Variants in RBFOX1 observed in about 807,000 individuals in gnomAD.
The protein encoded by RBFOX1 is RNA binding protein fox-1 homolog 1.
A neutral mutation model predicts 57.7 loss-of-function variants in RBFOX1; 8 were observed. The ratio of observed to expected loss-of-function variants is 0.14; its 90% confidence interval spans 0.08 to 0.25. The LOEUF is 0.25. RBFOX1 is among the 10% of genes least tolerant of loss of function. RBFOX1 has a pLI of 1.00. For synonymous variants in RBFOX1, 326 were observed against 222.4 expected, an observed-to-expected ratio of 1.47 and a Z score of -4.15; for missense variants, 611 against 548.5, an observed-to-expected ratio of 1.11 and a Z score of -1.14.
intron 2 of RBFOX1, among the ~76,000 whole-genome samples, chr16:6,321,216 T>C (rs1004550734): frequency 6.6e-6 from 1 of 152,178 alleles, no homozygotes; most frequent in Non-Finnish European, 1.5e-5. Flanking sequence ...AACATATCTA[T>C]CATCTCATTT....
At chr16:7,103,809 C>T (rs1036009189) in intron 4 of RBFOX1, among the ~76,000 whole-genome samples, 7 of 152,246 alleles carry the variant, frequency 4.6e-5, no homozygotes, top group African/African-American at 1.7e-4. Flanking sequence ...TTACCAGACT[C>T]GTGACTTCAA....
intron 3 of RBFOX1, among the ~76,000 whole-genome samples, chr16:5,703,831 G>C (rs1387438566): frequency 6.6e-6 from 1 of 152,080 alleles, no homozygotes; most frequent in Non-Finnish European, 1.5e-5. Flanking sequence ...CCATGATGTA[G>C]GGATATTATT....
chr16:5,964,886 TGTG>T (rs1206414573), intron 4 of RBFOX1, among the ~76,000 whole-genome samples: 8 of 151,766 alleles, frequency 5.3e-5, no homozygotes, highest in Non-Finnish European at 7.4e-5. Context: ...ATAAAGAAAA[TGTG>T]GTGTGTGTAT....
At chr16:7,303,452 T>C (rs1036104104) in intron 4 of RBFOX1, among the ~76,000 whole-genome samples, 4 of 152,220 alleles carry the variant, frequency 2.6e-5, no homozygotes, top group Non-Finnish European at 5.9e-5. Context: ...AGCTGGGCCA[T>C]CGCGCTAATT....
intron 2 of RBFOX1, among the ~76,000 whole-genome samples, chr16:6,495,565 T>G (rs147293912): frequency 2.6e-5 from 4 of 152,326 alleles, no homozygotes; most frequent in African/African-American, 7.2e-5. Flanking sequence ...TAAATGAAAC[T>G]GGGTATATAG....
At chr16:5,607,880 G>A (rs779709964) in intron 3 of RBFOX1, among the ~76,000 whole-genome samples, 1 of 152,134 alleles carries the variant, frequency 6.6e-6, no homozygotes, top group Non-Finnish European at 1.5e-5. Context: ...CTTTTTAATG[G>A]CTGGACAGGA....
intron 4 of RBFOX1, among the ~76,000 whole-genome samples, chr16:7,468,954 G>C (rs1170748232): frequency 1.3e-5 from 2 of 151,410 alleles, no homozygotes; most frequent in Non-Finnish European, 2.9e-5. Flanking sequence ...TTTTTTTTGA[G>C]GCAGAGTCTC....
At chr16:6,072,069 G>A (rs1408249159) in intron 1 of RBFOX1, among the ~76,000 whole-genome samples, 1 of 152,202 alleles carries the variant, frequency 6.6e-6, no homozygotes, top group Non-Finnish European at 1.5e-5. Context: ...AGCTCCACAG[G>A]GCTGGGGAGA....
chr16:6,701,223 C>T (rs2061801207), intron 3 of RBFOX1, among the ~76,000 whole-genome samples: 1 of 152,058 alleles, frequency 6.6e-6, no homozygotes, highest in African/African-American at 2.4e-5. Flanking sequence ...ATGCAAGTTG[C>T]CCCAGGAAGG....
At chr16:5,363,612 C>G (rs898689612) in intron 1 of RBFOX1, among the ~76,000 whole-genome samples, 7 of 152,154 alleles carry the variant, frequency 4.6e-5, no homozygotes, top group Non-Finnish European at 7.3e-5. Flanking sequence ...TTTCCCAACA[C>G]CTCAGACTAG....
intron 3 of RBFOX1, among the ~76,000 whole-genome samples, chr16:7,022,856 A>C (rs1325653867): frequency 1.3e-5 from 2 of 152,318 alleles, no homozygotes; most frequent in African/African-American, 4.8e-5. Context: ...GAATTTGAAC[A>C]ACTGCCTCCA....
intron 1 of RBFOX1, among the ~76,000 whole-genome samples, chr16:5,459,527 C>T (rs1432902499): frequency 6.6e-6 from 1 of 152,160 alleles, no homozygotes; most frequent in Non-Finnish European, 1.5e-5. Flanking sequence ...AAATGGATGT[C>T]TCAAGGCCAT....
rs2072806250 is a variant in RBFOX1, at chr16:7,138,885, T to C, written c.27+86787T>C. On this transcript the variant is annotated intron_variant, in intron 4 of 15. Coordinates refer to ENST00000550418, the MANE Select transcript of RBFOX1 (RefSeq NM_018723.4). The stretch of plus-strand genomic sequence containing the variant: ...GTGCAATGGTGTGATTTAGGCTCAG[T>C]GCAAGCTCCGCCTCCCGGGTTCAAG... Among the ~76,000 whole-genome samples the C allele has an allele frequency of 3.3e-5, 5 of 152,250 alleles. No individual in the cohort carries two copies. In the South Asian group the frequency reaches 1.0e-3, roughly 32 times the overall value.
chr16:7,395,216 A>C (rs773599816), intron 4 of RBFOX1, among the ~76,000 whole-genome samples: 6 of 150,872 alleles, frequency 4.0e-5, no homozygotes, highest in Non-Finnish European at 5.9e-5. Context: ...ATCTATGTAG[A>C]TGCATTGTTC....
intron 5 of RBFOX1, among the ~76,000 whole-genome samples, chr16:7,529,545 T>G (rs2079498398): frequency 6.6e-6 from 1 of 152,228 alleles, no homozygotes; most frequent in Non-Finnish European, 1.5e-5. Context: ...TATTATAATT[T>G]CATTGACATA....
At chr16:5,915,551 G>C (rs1232419659) in intron 4 of RBFOX1, among the ~76,000 whole-genome samples, 1 of 152,096 alleles carries the variant, frequency 6.6e-6, no homozygotes, top group African/African-American at 2.4e-5. Context: ...TAGAAGACAG[G>C]CTGGGCGCCG....
intron 3 of RBFOX1, among the ~76,000 whole-genome samples, chr16:5,831,128 T>G (rs961323243): frequency 1.5e-4 from 23 of 152,218 alleles, no homozygotes; most frequent in African/African-American, 5.5e-4. Flanking sequence ...GGTTTGGATC[T>G]GCGTTCCGAC....
chr16:6,702,805 A>C (rs2062059933), intron 3 of RBFOX1, among the ~76,000 whole-genome samples: 1 of 152,194 alleles, frequency 6.6e-6, no homozygotes, highest in Non-Finnish European at 1.5e-5. Flanking sequence ...AGCCATTTTA[A>C]ATGTAGAGTT....
rs1555661723 is a variant in RBFOX1 at position 7,280,985 on chromosome 16, C to CTCCCTCCTTCCT, written c.27+228891_27+228902dup. Reference sequence around the variant, plus strand: ...CCTCCCTCCCTCCCTCCCTCCCTCCCTCCCTCCTTCCTTCCTTCCTTCCTT... The same window carrying CTCCCTCCTTCCT: ...CCTCCCTCCCTCCCTCCCTCCCTCCCTCCCTCCTTCCTTCCCTCCTTCCTTCCTTCCTTCCTT... On this transcript the variant is annotated intron_variant, in intron 4 of 15. Transcript: ENST00000550418. Among the ~76,000 whole-genome samples the CTCCCTCCTTCCT allele has an allele frequency of 2.7e-5, 3 of 109,610 alleles. No individual in the cohort carries two copies. The East Asian group carries it at 8.4e-4, about 31-fold the overall frequency. The allele number at this position is 109,610 out of a possible 152,430, so 71.9% of individuals were successfully genotyped here. A position where few individuals can be genotyped will look rare whatever the true frequency, so the allele number is the denominator to read the frequency against.
Sources: gnomAD v4.1 joint callset for allele counts (sites outside exome capture counted in the v4.1 genomes callset) on GRCh38, gnomAD v4.1.1 for gene constraint, MANE v1.5 for transcripts, NCBI Gene and HGNC (gene_info 2026-07-23, HGNC 2026-07-21) for gene names.